Variants in CCDC73 observed in about 807,000 individuals in gnomAD.
The protein encoded by CCDC73 is coiled-coil domain-containing protein 73.
Under a neutral mutation model 116.5 loss-of-function variants are expected in CCDC73, and 95 were observed. The observed-to-expected ratio is 0.82, with a 90% CI of 0.69 to 0.97. The LOEUF (loss-of-function observed/expected upper bound fraction) is 0.97, where lower values mean the gene tolerates loss of function less well. Ranked by LOEUF, CCDC73 falls within the 50% of genes least tolerant of loss-of-function variation. The probability of loss-of-function intolerance (pLI) is 0.00; values close to 1 mark genes in which losing one functional copy is unlikely to be tolerated. For missense variants in CCDC73, 1,066 were observed against 1,206.8 expected, an observed-to-expected ratio of 0.88 and a Z score of 1.73; for synonymous variants, 398 against 401.3, an observed-to-expected ratio of 0.99 and a Z score of 0.10.
the CCDC73 span, among the ~76,000 whole-genome samples, chr11:32,814,726 CA>C: frequency 2.6e-5 from 4 of 152,136 alleles, no homozygotes; most frequent in Middle Eastern, 3.4e-3. Context: ...AAACTTGTAA[CA>C]AATGTTCATA....
intron 1 of CCDC73, among the ~76,000 whole-genome samples, chr11:32,778,929 A>G (rs564050799): frequency 1.3e-5 from 2 of 152,340 alleles, no homozygotes; most frequent in East Asian, 3.9e-4. Context: ...TTAAAAATGT[A>G]TAACTGGAGT....
Position 32,614,115 on chromosome 11 carries a change from T to C in CCDC73, c.2203A>G (p.Met735Val), listed in dbSNP as rs1855450338. The change falls in exon 16 of 18, where the codon ATG (methionine) becomes GTG (valine). Residue 735 changes from methionine (M) to valine (V), a missense_variant. Transcript: ENST00000335185. ...NSDKNVHSMS[M>V]LVKPNSSPGG... ...GGGCTTGAGTTAGGTTTCACCAACA[T>C]AGACATACTATGGACATTTTTATCT... is the stretch of plus-strand genomic sequence containing the variant. 2 of 1,613,734 alleles carry C rather than the reference T, an allele frequency of 1.2e-6. No individual in the cohort carries two copies. Among genetic ancestry groups the C allele is most frequent in the Non-Finnish European group, 1.7e-6 (2 of 1,179,880 alleles).
At chr11:32,738,583 A>G (rs1363474875) in intron 2 of CCDC73, among the ~76,000 whole-genome samples, 1 of 151,956 alleles carries the variant, frequency 6.6e-6, no homozygotes, top group Non-Finnish European at 1.5e-5. Flanking sequence ...TGAGCTCTTT[A>G]TGTATTTTGG....
At chr11:32,664,538 C>T (rs565137826) in intron 9 of CCDC73, among the ~76,000 whole-genome samples, 1 of 151,924 alleles carries the variant, frequency 6.6e-6, no homozygotes, top group South Asian at 2.1e-4. Context: ...CCCCTTTATC[C>T]TTTTTTATTG....
intron 2 of CCDC73, among the ~76,000 whole-genome samples, chr11:32,727,008 C>T (rs1413777230): frequency 6.6e-6 from 1 of 152,112 alleles, no homozygotes; most frequent in East Asian, 1.9e-4. Context: ...ATCATGTCTC[C>T]TTAGATTCCT....
At chr11:32,727,498 A>G (rs1024799032) in intron 2 of CCDC73, among the ~76,000 whole-genome samples, 1 of 152,206 alleles carries the variant, frequency 6.6e-6, no homozygotes, top group Non-Finnish European at 1.5e-5. Flanking sequence ...TTGTGTCACT[A>G]TGTAACTACC....
chr11:32,683,211 C>A, intron 7 of CCDC73: 1 of 322,208 alleles, frequency 3.1e-6, no homozygotes, highest in Non-Finnish European at 5.9e-6. Flanking sequence ...AATCTAAAGT[C>A]CAAAATACTC....
At chr11:32,749,714 T>C (rs981320012) in intron 2 of CCDC73, among the ~76,000 whole-genome samples, 1 of 152,072 alleles carries the variant, frequency 6.6e-6, no homozygotes, top group Non-Finnish European at 1.5e-5. Flanking sequence ...TCTAAGTTTT[T>C]TGTCACTGCA....
intron 9 of CCDC73, among the ~76,000 whole-genome samples, chr11:32,662,911 G>T (rs952521690): frequency 1.3e-5 from 2 of 152,284 alleles, no homozygotes; most frequent in Admixed American, 6.5e-5. Flanking sequence ...CATATGGCTA[G>T]CCAGTTTTCC....
chr11:32,685,305 T>C (rs1273758261), intron 6 of CCDC73, among the ~76,000 whole-genome samples: 2 of 143,816 alleles, frequency 1.4e-5, no homozygotes, highest in African/African-American at 5.1e-5. Flanking sequence ...CCAGCTTAAA[T>C]TCTGGGCAAG....
At chr11:32,663,141 T>C (rs1446764287) in intron 9 of CCDC73, among the ~76,000 whole-genome samples, 1 of 152,240 alleles carries the variant, frequency 6.6e-6, no homozygotes, top group East Asian at 1.9e-4. Context: ...AGCTTTGTTC[T>C]TTTGGCTTAG....
At position 32,653,110 on chromosome 11, in the gene CCDC73, A is replaced by G. The variant is rs1269139945; in HGVS notation, c.939+13T>C. 4 of 1,480,044 alleles carry G rather than the reference A, an allele frequency of 2.7e-6. No homozygotes were observed. Among genetic ancestry groups the G allele is most frequent in the Non-Finnish European group, 3.8e-6 (4 of 1,062,602 alleles). 91.7% of individuals were successfully genotyped at this position (1,480,044 alleles called of 1,614,324 possible). ...CAGATAGATAGACAGACAGACAGAC[A>G]GATAGAACGAACCTGATTATTTTCT... On this transcript the variant is annotated intron_variant, in intron 12 of 17. Transcript: ENST00000335185.
At chr11:32,690,622 C>T (rs1035705404) in intron 6 of CCDC73, among the ~76,000 whole-genome samples, 2 of 152,144 alleles carry the variant, frequency 1.3e-5, no homozygotes, top group Non-Finnish European at 2.9e-5. Flanking sequence ...GTGTGTAGCA[C>T]TTTCCCCCTT....
At chr11:32,619,483 C>T (rs1855503182) in intron 14 of CCDC73, among the ~76,000 whole-genome samples, 1 of 152,116 alleles carries the variant, frequency 6.6e-6, no homozygotes. Flanking sequence ...CCAGCTTAGG[C>T]CACATAACAA....
At chr11:32,687,327 G>C (rs1050212683) in intron 6 of CCDC73, among the ~76,000 whole-genome samples, 1 of 152,122 alleles carries the variant, frequency 6.6e-6, no homozygotes, top group East Asian at 1.9e-4. Context: ...CAGAAACTAA[G>C]TAAGGTGAGG....
In CCDC73 at chr11:32,602,821, C is replaced by CTGT. The variant is rs757968465; in HGVS notation, c.3227_3229dup (p.Asn1076dup). On this transcript the variant is annotated inframe_insertion, in exon 18 of 18. Transcript: ENST00000335185. ...AAGCACTTATCTACATTATTTTAATCTGTTGTTTTTTTCCAACGTCTCTTC... is the reference window on the plus strand; with the variant it reads ...AAGCACTTATCTACATTATTTTAATCTGTTGTTGTTTTTTTCCAACGTCTCTTC... The CTGT allele has an allele frequency of 3.1e-6, 5 of 1,588,900 alleles. No individual in the cohort carries two copies. Among genetic ancestry groups the CTGT allele is most frequent in the Non-Finnish European group, 4.3e-6 (5 of 1,166,596 alleles).
rs770945256 is a variant in CCDC73 at position 32,614,199 on chromosome 11, C to T, written c.2119G>A (p.Asp707Asn). The T allele has an allele frequency of 9.3e-6, 15 of 1,613,558 alleles. No homozygotes were observed. The highest frequency in any genetic ancestry group is 4.0e-5 in the African/African-American group (3 of 74,866). The change falls in exon 16 of 18, where the codon GAC becomes AAC. Residue 707 changes from aspartate (D) to asparagine (N), a missense_variant. Asp to Asn is a conservative substitution (Grantham distance 23). Transcript: ENST00000335185. ...ELTVPCDIVI[D>N]HHVSYAAFSA... is the part of the protein sequence containing the mutation. Reference sequence around the variant, plus strand: ...AAAGCAGCATATGAAACATGGTGGTCGATTACTATATCACAGGGAACAGTT... The same window carrying T: ...AAAGCAGCATATGAAACATGGTGGTTGATTACTATATCACAGGGAACAGTT...
At chr11:32,632,416 G>A (rs1855639910) in intron 14 of CCDC73, among the ~76,000 whole-genome samples, 1 of 152,088 alleles carries the variant, frequency 6.6e-6, no homozygotes, top group African/African-American at 2.4e-5. Context: ...AATAGAGGCG[G>A]GCTTTTGCCA....
chr11:32,738,677 T>G (rs1475721597), intron 2 of CCDC73, among the ~76,000 whole-genome samples: 1 of 152,188 alleles, frequency 6.6e-6, no homozygotes, highest in Non-Finnish European at 1.5e-5. Flanking sequence ...GATTGTTTCT[T>G]TTGCTGTGCA....
Sources: allele counts gnomAD v4.1 joint callset (sites outside exome capture counted in the v4.1 genomes callset), GRCh38; gene constraint gnomAD v4.1.1; transcripts MANE v1.5; gene names NCBI Gene and HGNC (gene_info 2026-07-23, HGNC 2026-07-21).